The following PIK3C2A variants were observed in gnomAD, a reference collection of about 807,000 sequenced individuals.
PIK3C2A encodes phosphatidylinositol 4-phosphate 3-kinase C2 domain-containing subunit alpha.
In PIK3C2A, 97 loss-of-function variants were observed where a neutral mutation model predicts 204.5. That is an observed-to-expected ratio of 0.47 (90% CI 0.40 to 0.56). The LOEUF is 0.56. PIK3C2A is among the 20% of genes least tolerant of loss of function. PIK3C2A has a pLI of 0.00. For synonymous variants in PIK3C2A, 653 were observed against 664.4 expected, an observed-to-expected ratio of 0.98 and a Z score of 0.26; for missense variants, 1,735 against 1,969.2, an observed-to-expected ratio of 0.88 and a Z score of 2.25.
intron 26 of PIK3C2A, among the ~76,000 whole-genome samples, chr11:17,099,044 C>T (rs576083202): frequency 1.1e-4 from 16 of 152,282 alleles, no homozygotes; most frequent in South Asian, 6.2e-4. Context: ...TTCAGGCATG[C>T]GCCACTATGC....
Position 17,145,909 on chromosome 11 carries a change from T to C in PIK3C2A, c.1594A>G (p.Lys532Glu). The C allele has an allele frequency of 1.2e-6, 2 of 1,613,658 alleles. No homozygotes were observed. Among genetic ancestry groups the C allele is most frequent in the Non-Finnish European group, 1.7e-6 (2 of 1,179,868 alleles). ...EDDETPVDLN[K>E]HLYQIEKPCK... is the part of the protein sequence containing the mutation. The stretch of plus-strand genomic sequence containing the variant: ...GGTTTTTCTATTTGATACAGGTGTT[T>C]GTTTAAATCCACGGGTGTTTCATCA... The change falls in exon 7 of 33, where the codon AAA becomes GAA. Residue 532 changes from lysine (K) to glutamate (E), a missense_variant. Physicochemically the swap from Lys to Glu is moderately conservative, Grantham distance 56. Transcript: ENST00000691414.
At chr11:17,153,137 G>A (rs1166630091) in intron 3 of PIK3C2A, among the ~76,000 whole-genome samples, 1 of 152,094 alleles carries the variant, frequency 6.6e-6, no homozygotes, top group African/African-American at 2.4e-5. Context: ...AACACTATTA[G>A]ATGAACTTTC....
rs1240493613 is a variant in PIK3C2A, at chr11:17,091,990, T to A, written c.4642+6A>T. The A allele has an allele frequency of 4.4e-6, 7 of 1,581,870 alleles. No individual in the cohort carries two copies. The highest frequency in any genetic ancestry group is 6.1e-6 in the Non-Finnish European group (7 of 1,151,548). On this transcript the variant is annotated splice_donor_region_variant and intron_variant, in intron 30 of 32. Coordinates refer to ENST00000691414, the MANE Select transcript of PIK3C2A (RefSeq NM_002645.4). ...TTACCAATAAAGAGAAAAAAAATAA[T>A]CTCACCTGCAGACCTAGCTATCCCT... is the stretch of plus-strand genomic sequence containing the variant.
rs1177051591 is a variant in PIK3C2A, at chr11:17,147,025, T to C, written c.1560+492A>G. On this transcript the variant is annotated intron_variant, in intron 6 of 32. Transcript: ENST00000691414. ...AAATTTGCTGCATTCTATTTTGCTT[T>C]AACCTCAAAAGAAAGCATTGAAAGC... is the stretch of plus-strand genomic sequence containing the variant. 2.0e-5 allele frequency among the ~76,000 whole-genome samples: 3 copies of C among 152,252 alleles called. No individual in the cohort carries two copies. The East Asian group carries it at 5.8e-4, about 29-fold the overall frequency.
chr11:17,167,380 T>G (rs1460440766), intron 2 of PIK3C2A, among the ~76,000 whole-genome samples: 1 of 152,148 alleles, frequency 6.6e-6, no homozygotes, highest in Non-Finnish European at 1.5e-5. Flanking sequence ...CCCAGCATAC[T>G]GGGAGGCCAA....
intron 2 of PIK3C2A, among the ~76,000 whole-genome samples, chr11:17,160,416 A>G (rs1394527519): frequency 6.6e-6 from 1 of 152,256 alleles, no homozygotes; most frequent in Non-Finnish European, 1.5e-5. Flanking sequence ...TTTAAAAAAT[A>G]AGCAAAAGGG....
At chr11:17,107,190 G>GTAGTCCCAGC (rs1208936896) in intron 22 of PIK3C2A, among the ~76,000 whole-genome samples, 1 of 152,148 alleles carries the variant, frequency 6.6e-6, no homozygotes, top group Non-Finnish European at 1.5e-5. Context: ...GCGGAAGCCT[G>GTAGTCCCAGC]TAGTCCCAGC....
intron 1 of PIK3C2A, among the ~76,000 whole-genome samples, chr11:17,207,511 G>A (rs941234656): frequency 6.6e-6 from 1 of 151,574 alleles, no homozygotes; most frequent in South Asian, 2.1e-4. Context: ...GGCGGGGGAG[G>A]GGGGCCGGCG....
At chr11:17,122,562 A>G in intron 14 of PIK3C2A, 140 bp downstream of exon 14, 2 of 629,416 alleles carry the variant, frequency 3.2e-6, no homozygotes, top group Non-Finnish European at 2.8e-6. Flanking sequence ...AGAAATATTG[A>G]TATTAAAATA....
intron 1 of PIK3C2A, among the ~76,000 whole-genome samples, chr11:17,206,040 T>C (rs1031503271): frequency 6.6e-6 from 1 of 152,192 alleles, no homozygotes; most frequent in Non-Finnish European, 1.5e-5. Flanking sequence ...GGAGAATCAC[T>C]TGAACCCTGG....
chr11:17,135,143 CCAAA>C lies in PIK3C2A; in HGVS notation c.1861_1864del (p.Phe621GlufsTer22), dbSNP rs1849829674. 3 of 1,614,014 alleles carry C rather than the reference CCAAA, an allele frequency of 1.9e-6. No individual in the cohort carries two copies. The highest frequency in any genetic ancestry group is 2.2e-5 in the East Asian group (1 of 44,870). ...TGAACTCCTGCTAGTGTCTTCTCCT[CCAAA>C]CAAAGAAGTCACCTACACATGCACA... On this transcript the variant is annotated frameshift_variant, in exon 10 of 33. Coordinates refer to ENST00000691414, the MANE Select transcript of PIK3C2A (RefSeq NM_002645.4). LOFTEE classifies it high-confidence loss of function.
At chr11:17,198,048 A>G (rs1245716736) in intron 1 of PIK3C2A, among the ~76,000 whole-genome samples, 3 of 152,136 alleles carry the variant, frequency 2.0e-5, no homozygotes, top group African/African-American at 7.2e-5. Context: ...TATAACAGTG[A>G]TAGCAGGAGA....
chr11:17,181,195 A>C (rs1233670849), intron 1 of PIK3C2A, among the ~76,000 whole-genome samples: 2 of 152,100 alleles, frequency 1.3e-5, no homozygotes, highest in Admixed American at 6.5e-5. Context: ...TGGAGGCTTC[A>C]TTATATAGAC....
chr11:17,122,053 T>TA, intron 15 of PIK3C2A, 135 bp downstream of exon 15: 1 of 463,318 alleles, frequency 2.2e-6, no homozygotes, highest in African/African-American at 2.1e-5. Flanking sequence ...GGAAAAAAAG[T>TA]AAGTTAAATA....
chr11:17,168,307 C>T (rs1306362441), intron 2 of PIK3C2A, among the ~76,000 whole-genome samples: 5 of 152,046 alleles, frequency 3.3e-5, no homozygotes, highest in East Asian at 3.9e-4. Context: ...ATGGGCTGGG[C>T]GCAGTGGCTC....
intron 23 of PIK3C2A, among the ~76,000 whole-genome samples, 195 bp downstream of exon 23, chr11:17,104,974 G>T (rs1353644011): frequency 6.6e-6 from 1 of 152,012 alleles, no homozygotes; most frequent in Non-Finnish European, 1.5e-5. Flanking sequence ...GTGTAATTTA[G>T]CATTGGTTTC....
chr11:17,137,884 G>A, intron 8 of PIK3C2A: 2 of 364,982 alleles, frequency 5.5e-6, no homozygotes, highest in East Asian at 6.0e-5. Context: ...CCAAGGCCAA[G>A]AGCATTAGGA....
In PIK3C2A at chr11:17,086,922, T is replaced by C. The variant is rs1848177967; in HGVS notation, c.*2816A>G. 1 of 152,208 alleles carries C rather than the reference T, an allele frequency of 6.6e-6. No individual in the cohort carries two copies. The highest frequency in any genetic ancestry group is 6.5e-5 in the Admixed American group (1 of 15,276). The allele number at this position is 152,208 out of a possible 1,614,324, so 9.4% of individuals were successfully genotyped here. On this transcript the variant is annotated 3_prime_UTR_variant, in exon 33 of 33. Coordinates refer to ENST00000691414, the MANE Select transcript of PIK3C2A (RefSeq NM_002645.4). ...ATTTAAGGCAAGATATTGAAACTTT[T>C]ATACAACTTTAATTTGAAAAAAGAA...
At chr11:17,154,405 A>C in intron 3 of PIK3C2A, among the ~76,000 whole-genome samples, 2 of 152,320 alleles carry the variant, frequency 1.3e-5, no homozygotes, top group African/African-American at 4.8e-5. Context: ...AATGGTCCAG[A>C]AAATCTCATT....
Sources: gnomAD v4.1 joint callset for allele counts (sites outside exome capture counted in the v4.1 genomes callset) on GRCh38, gnomAD v4.1.1 for gene constraint, MANE v1.5 for transcripts, NCBI Gene and HGNC (gene_info 2026-07-23, HGNC 2026-07-21) for gene names.